Variants in ZBTB7C observed in about 807,000 individuals in gnomAD.
The protein encoded by ZBTB7C is zinc finger and BTB domain containing 7C.
ZBTB7C carries 8 observed loss-of-function variants against 25.7 expected under a neutral mutation model. The observed-to-expected ratio is 0.31, with a 90% CI of 0.18 to 0.56. The LOEUF is 0.56. ZBTB7C is among the 20% of genes least tolerant of loss of function. ZBTB7C has a pLI of 0.91. For synonymous variants in ZBTB7C, 394 were observed against 369.0 expected, an observed-to-expected ratio of 1.07 and a Z score of -0.78; for missense variants, 824 against 855.2, an observed-to-expected ratio of 0.96 and a Z score of 0.46.
chr18:48,236,443 T>C (rs1411362246), intron 2 of ZBTB7C, among the ~76,000 whole-genome samples: 2 of 152,198 alleles, frequency 1.3e-5, no homozygotes, highest in Non-Finnish European at 2.9e-5. Flanking sequence ...CGGATAAACT[T>C]ATAGTTCAAG....
chr18:48,360,349 C>A (rs544241242), intron 1 of ZBTB7C, among the ~76,000 whole-genome samples: 2 of 152,294 alleles, frequency 1.3e-5, no homozygotes, highest in South Asian at 4.1e-4. Context: ...GGGATTTAGA[C>A]AATGAATATT....
chr18:48,403,708 T>G (rs2048212987), intron 1 of ZBTB7C, among the ~76,000 whole-genome samples: 1 of 152,130 alleles, frequency 6.6e-6, no homozygotes. Flanking sequence ...AATAAAAGAC[T>G]GCACATTGGG....
chr18:48,405,710 G>T (rs1387073045), intron 1 of ZBTB7C, among the ~76,000 whole-genome samples: 1 of 151,974 alleles, frequency 6.6e-6, no homozygotes, highest in Non-Finnish European at 1.5e-5. Context: ...TACCCTCCCT[G>T]CAGGATGCTG....
chr18:48,059,763 G>T (rs1346508408), intron 3 of ZBTB7C, among the ~76,000 whole-genome samples: 4 of 151,990 alleles, frequency 2.6e-5, no homozygotes, highest in Non-Finnish European at 5.9e-5. Flanking sequence ...AGGAGCTAAA[G>T]AATCATAAAA....
intron 3 of ZBTB7C, among the ~76,000 whole-genome samples, chr18:48,070,063 G>A (rs557450615): frequency 1.3e-5 from 2 of 152,292 alleles, no homozygotes; most frequent in South Asian, 4.1e-4. Flanking sequence ...GCTCTTGTGT[G>A]GCAGAGCCAG....
chr18:48,144,888 T>G (rs2040454473), intron 3 of ZBTB7C, among the ~76,000 whole-genome samples: 1 of 152,200 alleles, frequency 6.6e-6, no homozygotes, highest in Non-Finnish European at 1.5e-5. Flanking sequence ...GAGGCTGGGT[T>G]ACAGTCCCAG....
intron 3 of ZBTB7C, among the ~76,000 whole-genome samples, chr18:48,068,297 G>C (rs1281990763): frequency 5.3e-5 from 8 of 151,606 alleles, no homozygotes; most frequent in African/African-American, 1.9e-4. Flanking sequence ...CTGCCACCAC[G>C]CCTGGCTAAT....
At chr18:48,296,204 T>C (rs985351595) in intron 2 of ZBTB7C, among the ~76,000 whole-genome samples, 2 of 152,186 alleles carry the variant, frequency 1.3e-5, no homozygotes, top group African/African-American at 4.8e-5. Flanking sequence ...GCCCCCTGGA[T>C]GGCTGCCAGG....
chr18:48,216,888 A>T (rs1056559305), intron 2 of ZBTB7C, among the ~76,000 whole-genome samples: 1 of 152,170 alleles, frequency 6.6e-6, no homozygotes, highest in Non-Finnish European at 1.5e-5. Flanking sequence ...AACACTGCAG[A>T]TGTAATTAAT....
At chr18:48,350,757 A>G (rs1223916666) in intron 1 of ZBTB7C, among the ~76,000 whole-genome samples, 1 of 152,182 alleles carries the variant, frequency 6.6e-6, no homozygotes, top group Non-Finnish European at 1.5e-5. Context: ...CTAAAGCAAT[A>G]GCAGTATGTA....
chr18:48,259,901 T>C (rs1300228799), intron 2 of ZBTB7C, among the ~76,000 whole-genome samples: 8 of 152,210 alleles, frequency 5.3e-5, no homozygotes, highest in Non-Finnish European at 4.4e-5. Context: ...AACTCTCCTA[T>C]ATCACTGATA....
chr18:48,148,749 T>A (rs2040574664), intron 3 of ZBTB7C: 2 of 152,220 alleles, frequency 1.3e-5, no homozygotes, highest in South Asian at 4.1e-4. Context: ...TACGAAAAGT[T>A]TCAGCAAAGC....
At chr18:48,155,273 C>A (rs2040802519) in intron 3 of ZBTB7C, among the ~76,000 whole-genome samples, 1 of 147,570 alleles carries the variant, frequency 6.8e-6, no homozygotes, top group Admixed American at 6.8e-5. Context: ...GTCCCAGATA[C>A]AAGAGGTAGC....
intron 1 of ZBTB7C, among the ~76,000 whole-genome samples, chr18:48,385,693 C>T (rs939083130): frequency 1.2e-4 from 18 of 152,210 alleles, no homozygotes; most frequent in African/African-American, 4.1e-4. Context: ...ACAAAAGGCC[C>T]CTTTAACCTT....
intron 3 of ZBTB7C, among the ~76,000 whole-genome samples, chr18:48,138,591 T>C (rs977181664): frequency 1.3e-5 from 2 of 151,604 alleles, no homozygotes; most frequent in African/African-American, 2.4e-5. Flanking sequence ...GCAGCCAGGA[T>C]GTGGTGGGGA....
At chr18:48,317,248 A>ACTC (rs1383233101) in intron 2 of ZBTB7C, among the ~76,000 whole-genome samples, 1 of 142,346 alleles carries the variant, frequency 7.0e-6, no homozygotes, top group African/African-American at 2.7e-5. Flanking sequence ...CAAGAGTGAA[A>ACTC]CTCCGTCTCA....
intron 2 of ZBTB7C, among the ~76,000 whole-genome samples, chr18:48,328,142 A>G (rs1484391426): frequency 2.0e-5 from 3 of 148,326 alleles, no homozygotes; most frequent in East Asian, 4.0e-4. Flanking sequence ...AGATTGCACC[A>G]CTGCACTCCA....
intron 3 of ZBTB7C, among the ~76,000 whole-genome samples, chr18:48,052,543 T>C (rs960522771): frequency 6.6e-6 from 1 of 152,150 alleles, no homozygotes; most frequent in Non-Finnish European, 1.5e-5. Context: ...CCATTGCTGC[T>C]GGCCCTGGGG....
chr18:48,314,790 A>C (rs1195979723), intron 2 of ZBTB7C, among the ~76,000 whole-genome samples: 1 of 152,146 alleles, frequency 6.6e-6, no homozygotes, highest in Non-Finnish European at 1.5e-5. Flanking sequence ...AGCTGGGAGA[A>C]GGGTGCAGGC....
Sources: allele counts gnomAD v4.1 joint callset (sites outside exome capture counted in the v4.1 genomes callset), GRCh38; gene constraint gnomAD v4.1.1; transcripts MANE v1.5; gene names NCBI Gene and HGNC (gene_info 2026-07-23, HGNC 2026-07-21).